Variants in UBE2G1 observed in about 807,000 individuals in gnomAD.
The protein encoded by UBE2G1 is ubiquitin conjugating enzyme E2 G1, also known as ubiquitin-conjugating enzyme E2 G1.
Under a neutral mutation model 22.7 loss-of-function variants are expected in UBE2G1, and 5 were observed. The ratio of observed to expected loss-of-function variants is 0.22; its 90% CI spans 0.12 to 0.46. The LOEUF (loss-of-function observed/expected upper bound fraction) is 0.46. Ranked by LOEUF, UBE2G1 falls within the 20% of genes least tolerant of loss-of-function variation. The pLI is 0.99. For synonymous variants in UBE2G1, 74 were observed against 67.5 expected (o/e 1.10, Z -0.47); for missense variants, 88 against 203.9 (o/e 0.43, Z 3.46).
At chr17:4,279,788 TATATATATA>T (rs1968863468) in intron 5 of UBE2G1, among the ~76,000 whole-genome samples, 1 of 113,234 alleles carries the variant, frequency 8.8e-6, no homozygotes, top group African/African-American at 5.8e-5. Flanking sequence ...AAAAAAGTTA[TATATATATA>T]TATATATATA....
chr17:4,337,101 TAG>T (rs1969656591), intron 1 of UBE2G1, among the ~76,000 whole-genome samples: 1 of 152,068 alleles, frequency 6.6e-6, no homozygotes, highest in Non-Finnish European at 1.5e-5. Flanking sequence ...TCAAAATCAA[TAG>T]AGATTACCTA....
chr17:4,297,209 T>C (rs1157427399), intron 2 of UBE2G1, among the ~76,000 whole-genome samples: 1 of 152,226 alleles, frequency 6.6e-6, no homozygotes, highest in East Asian at 1.9e-4. Flanking sequence ...CTCAAACACA[T>C]CAAACCCTTT....
At chr17:4,280,531 A>G (rs1567513911) in intron 5 of UBE2G1, among the ~76,000 whole-genome samples, 1 of 151,294 alleles carries the variant, frequency 6.6e-6, no homozygotes. Flanking sequence ...ATTTTTTGGT[A>G]GAGATGGGGT....
In UBE2G1 at chr17:4,359,539, T is replaced by C. The variant is rs183507365; in HGVS notation, c.46+6732A>G. Among the ~76,000 whole-genome samples, 121 of 152,338 alleles carry C rather than the reference T, an allele frequency of 7.9e-4. 3 individuals are homozygous for C. In the East Asian group the frequency reaches 0.017, roughly 21 times the overall value. On this transcript the variant is annotated intron_variant, in intron 1 of 5. Transcript: ENST00000396981. ...ACAGTATTTCTTCCAGAAGTTTCTATGAGGGCCAGAATCTATCAATGGAAC... is the reference window on the plus strand; with the variant it reads ...ACAGTATTTCTTCCAGAAGTTTCTACGAGGGCCAGAATCTATCAATGGAAC...
intron 1 of UBE2G1, among the ~76,000 whole-genome samples, chr17:4,327,126 T>C (rs764051282): frequency 4.3e-4 from 66 of 151,966 alleles, no homozygotes; most frequent in Non-Finnish European, 7.8e-4. Context: ...CAAAACCCCG[T>C]CTCTACCAAA....
chr17:4,339,811 T>G (rs1037301162), intron 1 of UBE2G1, among the ~76,000 whole-genome samples: 1 of 151,636 alleles, frequency 6.6e-6, no homozygotes. Context: ...ATCATGCCAT[T>G]GCGCTCCAGC....
At chr17:4,346,021 C>T (rs955302215) in intron 1 of UBE2G1, among the ~76,000 whole-genome samples, 8 of 152,244 alleles carry the variant, frequency 5.3e-5, no homozygotes, top group African/African-American at 1.9e-4. Flanking sequence ...TAATAGGATT[C>T]TAGCATCTGC....
Position 4,366,614 on chromosome 17 carries a change from G to A in UBE2G1, c.-298C>T. On this transcript the variant is annotated 5_prime_UTR_variant, in exon 1 of 6. Coordinates refer to ENST00000396981, the MANE Select transcript of UBE2G1 (RefSeq NM_003342.5). ...TTCAACCCGCCCGTCGGCCCCACCG[G>A]TGCCTTCCCCCGCCACTGCCTCACT... is the stretch of plus-strand genomic sequence containing the variant. 2 of 321,150 alleles carry A rather than the reference G, an allele frequency of 6.2e-6. No individual in the cohort carries two copies. Among genetic ancestry groups the A allele is most frequent in the Non-Finnish European group, 1.1e-5 (2 of 174,532 alleles). 19.9% of individuals were successfully genotyped at this position (321,150 alleles called of 1,614,324 possible). A position where few individuals can be genotyped will look rare whatever the true frequency, so the allele number is the denominator to read the frequency against.
At position 4,299,999 on chromosome 17, in the gene UBE2G1, G is replaced by T. The variant is rs184584391; in HGVS notation, c.150-3185C>A. Among the ~76,000 whole-genome samples the T allele has an allele frequency of 4.0e-5, 6 of 151,374 alleles. No individual in the cohort carries two copies. In the East Asian group the frequency reaches 1.2e-3, roughly 29 times the overall value. ...ACACCACCACGTCCCGCTAATTTTT[G>T]TATCTTTAGTAGAGACGGGGTTTCA... is the stretch of plus-strand genomic sequence containing the variant. On this transcript the variant is annotated intron_variant, in intron 2 of 5. Coordinates refer to ENST00000396981, the MANE Select transcript of UBE2G1 (RefSeq NM_003342.5).
At chr17:4,312,244 AG>A (rs1200955466) in intron 1 of UBE2G1, among the ~76,000 whole-genome samples, 1 of 151,898 alleles carries the variant, frequency 6.6e-6, no homozygotes, top group African/African-American at 2.4e-5. Context: ...AAAAAAAGAA[AG>A]AAAAAAAAAT....
intron 3 of UBE2G1, among the ~76,000 whole-genome samples, chr17:4,295,747 CTTTA>C (rs1307876513): frequency 6.6e-6 from 1 of 150,926 alleles, no homozygotes; most frequent in Admixed American, 6.6e-5. Context: ...ACTTTGGGGA[CTTTA>C]TTTTACTTTA....
chr17:4,320,426 C>T (rs937207178), intron 1 of UBE2G1, among the ~76,000 whole-genome samples: 3 of 152,114 alleles, frequency 2.0e-5, no homozygotes, highest in Non-Finnish European at 4.4e-5. Context: ...TTCAATATTA[C>T]CTTAGCTGGG....
intron 1 of UBE2G1, among the ~76,000 whole-genome samples, chr17:4,365,322 C>G (rs185505213): frequency 6.6e-6 from 1 of 152,252 alleles, no homozygotes; most frequent in African/African-American, 2.4e-5. Context: ...CGCCTCCCCC[C>G]TTCCACTCCG....
chr17:4,363,907 G>T (rs1343466344), intron 1 of UBE2G1, among the ~76,000 whole-genome samples: 1 of 135,616 alleles, frequency 7.4e-6, no homozygotes, highest in Non-Finnish European at 1.5e-5. Context: ...AGCCGAGATT[G>T]CGCCACTGCA....
At chr17:4,321,306 A>T (rs1969434521) in intron 1 of UBE2G1, among the ~76,000 whole-genome samples, 1 of 151,896 alleles carries the variant, frequency 6.6e-6, no homozygotes, top group Admixed American at 6.6e-5. Flanking sequence ...GAAACACTGT[A>T]GGCAACTATT....
chr17:4,317,734 T>C (rs1304281702), intron 1 of UBE2G1, among the ~76,000 whole-genome samples: 1 of 152,248 alleles, frequency 6.6e-6, no homozygotes, highest in African/African-American at 2.4e-5. Flanking sequence ...TATTTCACCC[T>C]GCTTATCACA....
At chr17:4,317,729 C>T (rs899820252) in intron 1 of UBE2G1, among the ~76,000 whole-genome samples, 2 of 152,224 alleles carry the variant, frequency 1.3e-5, no homozygotes, top group East Asian at 3.8e-4. Flanking sequence ...TGTAATATTT[C>T]ACCCTGCTTA....
intron 4 of UBE2G1, among the ~76,000 whole-genome samples, chr17:4,284,467 G>A (rs1410774161): frequency 6.6e-6 from 1 of 151,796 alleles, no homozygotes; most frequent in Non-Finnish European, 1.5e-5. Context: ...CAGGCATGGT[G>A]GCACGTGCCT....
chr17:4,354,777 A>T lies in UBE2G1; in HGVS notation c.46+11494T>A, dbSNP rs535056982. On this transcript the variant is annotated intron_variant, in intron 1 of 5. Transcript: ENST00000396981. ...AAAACCCTGTCTCTACCAAAAAAAA[A>T]TTTTTTTTAATTTGCTGAGCATGGT... Among the ~76,000 whole-genome samples the T allele has an allele frequency of 3.5e-3, 528 of 151,988 alleles. 3 individuals carry two copies. The highest frequency in any genetic ancestry group is 0.021 in the South Asian group (101 of 4,800).
Sources: allele counts gnomAD v4.1 joint callset (sites outside exome capture counted in the v4.1 genomes callset), GRCh38; gene constraint gnomAD v4.1.1; transcripts MANE v1.5; gene names NCBI Gene and HGNC (gene_info 2026-07-23, HGNC 2026-07-21).